The following MTOR variants were observed in gnomAD, a reference collection of about 807,000 sequenced individuals.
The protein encoded by MTOR is mechanistic target of rapamycin kinase, also known as serine/threonine-protein kinase mTOR.
In MTOR, 70 loss-of-function variants were observed where a neutral mutation model predicts 319.8. The observed-to-expected ratio is 0.22, with a 90% CI of 0.18 to 0.27. The LOEUF is 0.27. Ranked by LOEUF, MTOR falls within the 10% of genes least tolerant of loss-of-function variation. The pLI is 1.00. For missense variants in MTOR, 1,890 were observed against 3,274.4 expected (o/e 0.58, Z 10.32); for synonymous variants, 1,183 against 1,211.4 (o/e 0.98, Z 0.49).
rs137882053 is a variant in MTOR at position 11,209,190 on chromosome 1, C to G, written c.3801+122G>C. On this transcript the variant is annotated intron_variant, in intron 25 of 57. Coordinates refer to ENST00000361445, the MANE Select transcript of MTOR (RefSeq NM_004958.4). ...ACAAAATGATCTAAGTTCATGGTAT[C>G]TAGATTTCTGGAAAAAACACCTGGG... is the stretch of plus-strand genomic sequence containing the variant. The G allele has an allele frequency of 2.0e-3, 2,337 of 1,188,800 alleles. 35 individuals are homozygous for G. The African/African-American group carries it at 0.032, about 16-fold the overall frequency. 73.6% of individuals were successfully genotyped at this position (1,188,800 alleles called of 1,614,324 possible). A position where few individuals can be genotyped will look rare whatever the true frequency, so the allele number is the denominator to read the frequency against.
intron 28 of MTOR, among the ~76,000 whole-genome samples, chr1:11,180,334 A>T (rs1387224020): frequency 6.6e-6 from 1 of 152,210 alleles, no homozygotes; most frequent in Non-Finnish European, 1.5e-5. Context: ...TAAAAGCAGG[A>T]ATCATACTTT....
Position 11,212,973 on chromosome 1 carries a change from G to A in MTOR, c.3286-65C>T, listed in dbSNP as rs371095296. ...TCCCAAGTATCTAAGGACACGCAGC[G>A]GGTGGTGGTGTAGACAATTCAAAGT... On this transcript the variant is annotated intron_variant, in intron 21 of 57. Transcript: ENST00000361445. This position sits in a 1 kb window ranked among gnomAD's most constrained non-coding sequence, Gnocchi z 4.1. 1.5e-5 allele frequency: 19 copies of A among 1,281,446 alleles called. No individual in the cohort carries two copies. Among genetic ancestry groups the A allele is most frequent in the South Asian group, 7.2e-5 (6 of 83,192 alleles). 79.4% of individuals were successfully genotyped at this position (1,281,446 alleles called of 1,614,324 possible).
At chr1:11,123,411 T>TTC (rs1188595560) in intron 47 of MTOR, among the ~76,000 whole-genome samples, 2 of 136,390 alleles carry the variant, frequency 1.5e-5, no homozygotes, top group African/African-American at 5.8e-5. Context: ...GTGCCCAGCT[T>TTC]TTTTTTTTTT....
chr1:11,246,397 C>G (rs185350824), intron 8 of MTOR, among the ~76,000 whole-genome samples: 2 of 152,308 alleles, frequency 1.3e-5, no homozygotes, highest in Admixed American at 6.5e-5. Flanking sequence ...GAACAGCAGC[C>G]TGTCTGGTCA....
intron 8 of MTOR, among the ~76,000 whole-genome samples, chr1:11,247,368 C>T (rs1648986202): frequency 6.6e-6 from 1 of 152,132 alleles, no homozygotes; most frequent in Non-Finnish European, 1.5e-5. Context: ...TCTTTTAAGT[C>T]TACTTGTGAA....
chr1:11,233,605 C>A, intron 14 of MTOR, 118 bp from the exon 15 acceptor site: 1 of 731,912 alleles, frequency 1.4e-6, no homozygotes, highest in African/African-American at 1.8e-5. Flanking sequence ...TCCTTCTAGG[C>A]TTTATGAATC....
At chr1:11,233,344 G>T in intron 15 of MTOR, 54 bp downstream of exon 15, 1 of 1,497,658 alleles carries the variant, frequency 6.7e-7, no homozygotes, top group Non-Finnish European at 9.2e-7. Context: ...TTCCTTAGAG[G>T]TTAGTTTCTT....
chr1:11,258,440 C>A, intron 3 of MTOR, 45 bp downstream of exon 3: 1 of 1,373,824 alleles, frequency 7.3e-7, no homozygotes, highest in Admixed American at 1.7e-5. Context: ...GCAGTGGGCA[C>A]AAAGGTGAGT....
At chr1:11,228,998 A>G (rs1646934631) in intron 18 of MTOR, 80 bp from the exon 19 acceptor site, 2 of 1,513,882 alleles carry the variant, frequency 1.3e-6, no homozygotes, top group Admixed American at 1.7e-5. Context: ...GTAACAAACA[A>G]CCTCCTAACA....
rs763405514 is a variant in MTOR, at chr1:11,253,827, G to A, written c.840+12C>T. On this transcript the variant is annotated intron_variant, in intron 6 of 57. Coordinates refer to ENST00000361445, the MANE Select transcript of MTOR (RefSeq NM_004958.4). ...CGGGGAGCCTGGACTCCCCTCTGCC[G>A]TGGCTTCTCACCTCTCCCTCCATGC... is the stretch of plus-strand genomic sequence containing the variant. 3.0e-5 allele frequency: 48 copies of A among 1,613,844 alleles called. No individual in the cohort carries two copies. The highest frequency in any genetic ancestry group is 1.6e-4 in the Middle Eastern group (1 of 6,070).
chr1:11,246,158 A>C (rs1029554627), intron 8 of MTOR, among the ~76,000 whole-genome samples: 2 of 152,248 alleles, frequency 1.3e-5, no homozygotes, highest in African/African-American at 4.8e-5. Flanking sequence ...ATATTTAATA[A>C]AACAACCTTG....
chr1:11,247,613 G>T lies in MTOR; in HGVS notation c.1225+12C>A, dbSNP rs1392681384. The stretch of plus-strand genomic sequence containing the variant: ...TGAGATGGGTAATGATGTCTTCCAT[G>T]GACATCCTCACCTGTGAAGGCAGAA... On this transcript the variant is annotated intron_variant, in intron 8 of 57. Transcript: ENST00000361445. 6.2e-7 allele frequency: 1 copy of T among 1,607,220 alleles called. No individual in the cohort carries two copies. The highest frequency in any genetic ancestry group is 1.3e-5 in the African/African-American group (1 of 74,778).
At chr1:11,200,738 A>G (rs1187045010) in intron 26 of MTOR, among the ~76,000 whole-genome samples, 4 of 152,328 alleles carry the variant, frequency 2.6e-5, no homozygotes, top group East Asian at 1.9e-4. Flanking sequence ...AAATAAGGCC[A>G]GGCGTGGTGG....
At chr1:11,176,203 C>A (rs17036445) in intron 28 of MTOR, among the ~76,000 whole-genome samples, 8,990 of 152,272 alleles carry the variant, frequency 0.059, 373 homozygotes, top group South Asian at 0.12. Flanking sequence ...GAAGTGCCCT[C>A]AGTCACGGCT....
At chr1:11,259,543 A>C in intron 1 of MTOR, 120 bp from the exon 2 acceptor site, 3 of 1,087,964 alleles carry the variant, frequency 2.8e-6, no homozygotes, top group African/African-American at 3.3e-5. Flanking sequence ...GGATTCTAAA[A>C]AGGTTGAGAG....
At position 11,129,199 on chromosome 1, in the gene MTOR, T is replaced by C. The variant is rs960469967; in HGVS notation, c.5715-248A>G. ...CACCGAGGGGTCACCATGGCATGTA[T>C]GCAAACATCAAACAGACGAGCCAGG... On this transcript the variant is annotated intron_variant, in intron 40 of 57. Coordinates refer to ENST00000361445, the MANE Select transcript of MTOR (RefSeq NM_004958.4). This position sits in a 1 kb window ranked among gnomAD's most constrained non-coding sequence, Gnocchi z 4.7. 2.6e-5 allele frequency among the ~76,000 whole-genome samples: 4 copies of C among 152,142 alleles called. No individual in the cohort carries two copies. Among genetic ancestry groups the C allele is most frequent in the Non-Finnish European group, 5.9e-5 (4 of 68,030 alleles).
Position 11,165,650 on chromosome 1 carries a change from G to A in MTOR, c.4329+1792C>T, listed in dbSNP as rs1296274288. Among the ~76,000 whole-genome samples the A allele has an allele frequency of 5.3e-5, 8 of 151,782 alleles. No individual in the cohort carries two copies. The East Asian group carries it at 5.8e-4, about 11-fold the overall frequency. On this transcript the variant is annotated intron_variant, in intron 29 of 57. Coordinates refer to ENST00000361445, the MANE Select transcript of MTOR (RefSeq NM_004958.4). Reference sequence around the variant, plus strand: ...CTCATGGATAGGAAGAATCAATATCGTGAAAATGGCCATACTGCCCAAGGT... The same window carrying A: ...CTCATGGATAGGAAGAATCAATATCATGAAAATGGCCATACTGCCCAAGGT...
rs1433004796 is a variant in MTOR, at chr1:11,247,729, C to A, written c.1121G>T (p.Cys374Phe). 1.2e-6 allele frequency: 2 copies of A among 1,614,160 alleles called. No homozygotes were observed. Among genetic ancestry groups the A allele is most frequent in the East Asian group, 4.5e-5 (2 of 44,866 alleles). ...DLMEEKFDQV[C>F]QWVLKCRNSK... ...ATTCCTGCATTTCAGCACCCACTGG[C>A]ACACCTGAGAGAGGAAGGATAAAGG... Residue 374 changes from cysteine to phenylalanine, a missense_variant, in exon 8 of 58, where the codon TGC becomes TTC. By Grantham distance (205) the Cys-to-Phe change is radical. Coordinates refer to ENST00000361445, the MANE Select transcript of MTOR (RefSeq NM_004958.4).
chr1:11,231,528 G>C, intron 16 of MTOR, 94 bp from the exon 17 acceptor site: 1 of 1,454,130 alleles, frequency 6.9e-7, no homozygotes, highest in South Asian at 1.3e-5. Flanking sequence ...TGAAGTGTTA[G>C]AGGCTGTAAG....
Sources: allele counts gnomAD v4.1 joint callset (sites outside exome capture counted in the v4.1 genomes callset), GRCh38; gene constraint gnomAD v4.1.1; non-coding constraint Gnocchi (gnomAD v3.1); transcripts MANE v1.5; gene names NCBI Gene and HGNC (gene_info 2026-07-23, HGNC 2026-07-21).